Variants in EPHA6 observed in about 807,000 individuals in gnomAD.
The protein encoded by EPHA6 is EPH receptor A6.
Under a neutral mutation model 112.0 loss-of-function variants are expected in EPHA6, and 50 were observed. The ratio of observed to expected loss-of-function variants is 0.45; its 90% CI spans 0.36 to 0.56. EPHA6 has a LOEUF of 0.56. Ranked by LOEUF, EPHA6 falls within the 20% of genes least tolerant of loss-of-function variation. The probability of loss-of-function intolerance (pLI) is 0.00; values close to 1 mark genes in which losing one functional copy is unlikely to be tolerated. For missense variants in EPHA6, 1,280 were observed against 1,417.4 expected, an observed-to-expected ratio of 0.90 and a Z score of 1.56; for synonymous variants, 529 against 490.7, an observed-to-expected ratio of 1.08 and a Z score of -1.03.
At position 97,244,055 on chromosome 3, in the gene EPHA6, A is replaced by G. The variant is rs536651965; in HGVS notation, c.1374A>G (p.Thr458=). The stretch of plus-strand genomic sequence containing the variant: ...ACACAGGAGGGAGAAAAGATCTCAC[A>G]TACAGTGTAATCTGTAAGAAATGTG... ...PSDTGGRKDL[T]YSVICKKCGL... Residue 458 remains threonine, a synonymous_variant, in exon 5 of 18, where the codon ACA becomes ACG. Coordinates refer to ENST00000389672, the MANE Select transcript of EPHA6 (RefSeq NM_001080448.3). 5.1e-5 allele frequency: 83 copies of G among 1,612,770 alleles called. 3 individuals carry two copies. The South Asian group carries it at 5.7e-4, about 11-fold the overall frequency.
At chr3:97,404,886 A>G (rs1044419761) in intron 5 of EPHA6, among the ~76,000 whole-genome samples, 8 of 152,102 alleles carry the variant, frequency 5.3e-5, no homozygotes, top group Non-Finnish European at 1.2e-4. Context: ...TCCTCCCCTA[A>G]TAATACCAAA....
intron 3 of EPHA6, among the ~76,000 whole-genome samples, chr3:97,217,013 G>A (rs2078052764): frequency 6.6e-6 from 1 of 152,150 alleles, no homozygotes; most frequent in Admixed American, 6.5e-5. Flanking sequence ...TTTAAGACAT[G>A]AGACATCAGA....
At chr3:97,560,723 T>TCTA (rs2093177640) in intron 11 of EPHA6, 1 of 152,080 alleles carries the variant, frequency 6.6e-6, no homozygotes, top group African/African-American at 2.4e-5. Context: ...TCTATGGACG[T>TCTA]AGCATCTAAG....
At chr3:97,424,214 G>C (rs1037547725) in intron 6 of EPHA6, among the ~76,000 whole-genome samples, 11 of 152,132 alleles carry the variant, frequency 7.2e-5, no homozygotes, top group Non-Finnish European at 1.3e-4. Flanking sequence ...AGTACCATGA[G>C]AACAGTATGG....
chr3:97,732,380 C>T (rs2035075270), intron 15 of EPHA6, among the ~76,000 whole-genome samples: 1 of 151,826 alleles, frequency 6.6e-6, no homozygotes, highest in African/African-American at 2.4e-5. Flanking sequence ...CCATAACAGC[C>T]TGTTCTATGT....
chr3:97,477,086 T>C (rs2091393352), intron 8 of EPHA6, among the ~76,000 whole-genome samples: 1 of 152,152 alleles, frequency 6.6e-6, no homozygotes, highest in African/African-American at 2.4e-5. Flanking sequence ...TAGGACCCTT[T>C]TCCTTTATTT....
intron 10 of EPHA6, among the ~76,000 whole-genome samples, chr3:97,486,225 G>A (rs1334286086): frequency 1.3e-5 from 2 of 152,070 alleles, no homozygotes; most frequent in East Asian, 1.9e-4. Context: ...ATAGATTGGG[G>A]TCTCTTTTTA....
At chr3:97,490,621 A>T (rs773433293) in intron 10 of EPHA6, among the ~76,000 whole-genome samples, 8 of 152,228 alleles carry the variant, frequency 5.3e-5, no homozygotes, top group Non-Finnish European at 8.8e-5. Flanking sequence ...TCTTAGAATG[A>T]TGTTCTTTCT....
At chr3:97,303,000 A>G (rs1365932918) in intron 5 of EPHA6, among the ~76,000 whole-genome samples, 1 of 151,948 alleles carries the variant, frequency 6.6e-6, no homozygotes, top group Non-Finnish European at 1.5e-5. Flanking sequence ...ATGTTGAGGT[A>G]AATGGAATAT....
At chr3:97,019,081 G>A (rs1470469369) in intron 3 of EPHA6, among the ~76,000 whole-genome samples, 1 of 152,156 alleles carries the variant, frequency 6.6e-6, no homozygotes, top group African/African-American at 2.4e-5. Context: ...TAGTATTGGA[G>A]TAAAGAGTAA....
intron 12 of EPHA6, among the ~76,000 whole-genome samples, chr3:97,603,069 C>T (rs2093654952): frequency 1.3e-5 from 2 of 151,750 alleles, no homozygotes; most frequent in Non-Finnish European, 2.9e-5. Flanking sequence ...GAATGTAATA[C>T]AAAATCAAGA....
rs559879543 is a variant in EPHA6 at position 97,370,314 on chromosome 3, A to G, written c.1607-34836A>G. Among the ~76,000 whole-genome samples, 6 of 152,310 alleles carry G rather than the reference A, an allele frequency of 3.9e-5. No individual in the cohort carries two copies. In the East Asian group the frequency reaches 7.7e-4, roughly 20 times the overall value. The stretch of plus-strand genomic sequence containing the variant: ...CATCTAGCATATAAGCATACTTACT[A>G]TATGCCAACTGTAGAAATATAAATA... On this transcript the variant is annotated intron_variant, in intron 5 of 17. Coordinates refer to ENST00000389672, the MANE Select transcript of EPHA6 (RefSeq NM_001080448.3).
intron 2 of EPHA6, among the ~76,000 whole-genome samples, chr3:96,876,639 T>TG (rs1389523118): frequency 6.6e-6 from 1 of 152,088 alleles, no homozygotes; most frequent in Non-Finnish European, 1.5e-5. Flanking sequence ...TAACATTCCC[T>TG]GATCTTCAGC....
chr3:97,420,691 G>A (rs903414312), intron 6 of EPHA6, among the ~76,000 whole-genome samples: 1 of 152,046 alleles, frequency 6.6e-6, no homozygotes, highest in Non-Finnish European at 1.5e-5. Flanking sequence ...ATTTTCTGAA[G>A]TGTGTTCCAT....
At chr3:97,677,708 C>T (rs199565780) in intron 14 of EPHA6, among the ~76,000 whole-genome samples, 103 of 109,838 alleles carry the variant, frequency 9.4e-4, no homozygotes, top group East Asian at 3.2e-3. Flanking sequence ...ACAACAAGAA[C>T]GAAACTCCAT....
At chr3:97,120,177 T>C (rs2048002146) in intron 3 of EPHA6, among the ~76,000 whole-genome samples, 1 of 152,016 alleles carries the variant, frequency 6.6e-6, no homozygotes, top group Non-Finnish European at 1.5e-5. Flanking sequence ...TAATCAAATA[T>C]GAATTTAGAT....
intron 1 of EPHA6, among the ~76,000 whole-genome samples, chr3:96,851,951 T>C (rs149917924): frequency 2.0e-5 from 3 of 152,282 alleles, no homozygotes; most frequent in African/African-American, 7.2e-5. Flanking sequence ...TGGAGAAATA[T>C]CGTCTTTAAG....
At chr3:97,182,257 T>A (rs2077009392) in intron 3 of EPHA6, among the ~76,000 whole-genome samples, 1 of 151,154 alleles carries the variant, frequency 6.6e-6, no homozygotes, top group African/African-American at 2.4e-5. Flanking sequence ...TAAAAATTTC[T>A]GAGAAAAATA....
intron 5 of EPHA6, among the ~76,000 whole-genome samples, chr3:97,400,253 A>T (rs1407679061): frequency 6.6e-6 from 1 of 151,698 alleles, no homozygotes; most frequent in Non-Finnish European, 1.5e-5. Flanking sequence ...GCCAAAAATC[A>T]GCTGGCTGAA....
Sources: allele counts gnomAD v4.1 joint callset (sites outside exome capture counted in the v4.1 genomes callset), GRCh38; gene constraint gnomAD v4.1.1; transcripts MANE v1.5; gene names NCBI Gene and HGNC (gene_info 2026-07-23, HGNC 2026-07-21).